Variants in INSL6 observed in about 807,000 individuals in gnomAD.
The protein encoded by INSL6 is insulin like 6.
A neutral mutation model predicts 9.4 loss-of-function variants in INSL6; 16 were observed. The ratio of observed to expected loss-of-function variants is 1.70; its 90% CI spans 1.15 to 2.59. The LOEUF (loss-of-function observed/expected upper bound fraction) is 2.59. Among genes scored for constraint, INSL6 ranks in the 30% most tolerant of loss-of-function variants. INSL6 has a pLI of 0.00. For missense variants in INSL6, 391 were observed against 257.3 expected (o/e 1.52, Z -3.56); for synonymous variants, 154 against 96.9 (o/e 1.59, Z -3.46).
chr9:5,111,413 C>A, the INSL6 span: 25 of 403,300 alleles, frequency 6.2e-5, no homozygotes, highest in Admixed American at 1.0e-4. Context: ...CCTGGACACG[C>A]AGCCCACGAA....
the INSL6 span, among the ~76,000 whole-genome samples, chr9:5,025,572 T>A: frequency 6.6e-6 from 1 of 151,222 alleles, no homozygotes; most frequent in Admixed American, 6.6e-5. Context: ...CTTGCTCTGT[T>A]GCCCAGGCTG....
At chr9:5,020,303 C>A in the INSL6 span, among the ~76,000 whole-genome samples, 1 of 152,160 alleles carries the variant, frequency 6.6e-6, no homozygotes, top group Admixed American at 6.5e-5. Context: ...TCAGTTGACA[C>A]TGGACGTGGA....
chr9:5,085,408 G>A, the INSL6 span: 6 of 783,474 alleles, frequency 7.7e-6, no homozygotes, highest in African/African-American at 1.0e-4. Context: ...AACAGAGACT[G>A]CTTTACAACT....
At chr9:5,047,739 G>A in the INSL6 span, among the ~76,000 whole-genome samples, 2 of 152,234 alleles carry the variant, frequency 1.3e-5, no homozygotes, top group South Asian at 2.1e-4. Flanking sequence ...CTAGGTACAG[G>A]TGTGTGCCAC....
the INSL6 span, among the ~76,000 whole-genome samples, chr9:5,043,116 C>T: frequency 1.3e-5 from 2 of 152,186 alleles, no homozygotes; most frequent in Non-Finnish European, 2.9e-5. Flanking sequence ...GCCTTAAAGC[C>T]CCCGACCCAG....
chr9:5,101,367 A>G, the INSL6 span, among the ~76,000 whole-genome samples: 2 of 152,230 alleles, frequency 1.3e-5, no homozygotes, highest in Non-Finnish European at 2.9e-5. Context: ...GTAGGTAAAC[A>G]AAGTGGCCAG....
chr9:5,103,221 C>CAA, the INSL6 span, among the ~76,000 whole-genome samples: 22 of 6,874 alleles, frequency 3.2e-3, 3 homozygotes, highest in African/African-American at 5.3e-3. Flanking sequence ...AAAGGGAAAG[C>CAA]AAAAAAAAAA....
chr9:5,061,468 T>C, the INSL6 span, among the ~76,000 whole-genome samples: 1 of 152,258 alleles, frequency 6.6e-6, no homozygotes, highest in Non-Finnish European at 1.5e-5. Flanking sequence ...ACCTTGCACT[T>C]ATGCTGTGCA....
the INSL6 span, among the ~76,000 whole-genome samples, chr9:5,093,676 T>A: frequency 1.3e-5 from 2 of 152,164 alleles, no homozygotes; most frequent in Non-Finnish European, 1.5e-5. Context: ...CACAGTAGTC[T>A]AAGCGAGTTA....
the INSL6 span, among the ~76,000 whole-genome samples, chr9:5,035,983 C>G: frequency 2.6e-5 from 4 of 152,080 alleles, no homozygotes; most frequent in Non-Finnish European, 5.9e-5. Flanking sequence ...TGGAAAACCC[C>G]ATCGTCTCAG....
the INSL6 span, chr9:5,041,058 G>T: frequency 1.5e-6 from 1 of 688,618 alleles, no homozygotes; most frequent in East Asian, 2.9e-5. Context: ...CGCCATAGAG[G>T]GCGTCCCTCA....
chr9:5,135,766 T>G (rs563062369), intron 2 of INSL6, among the ~76,000 whole-genome samples: 248 of 151,350 alleles, frequency 1.6e-3, no homozygotes, highest in Non-Finnish European at 2.9e-3. Context: ...GAGAAATAAC[T>G]AAGATCAGAG....
chr9:4,992,868 A>T, the INSL6 span, among the ~76,000 whole-genome samples: 1 of 152,152 alleles, frequency 6.6e-6, no homozygotes, highest in Non-Finnish European at 1.5e-5. Flanking sequence ...CAGTTCCTTG[A>T]TTAGGTCTCA....
intron 1 of INSL6, among the ~76,000 whole-genome samples, chr9:5,170,197 C>T (rs1419026835): frequency 6.6e-6 from 1 of 152,158 alleles, no homozygotes; most frequent in East Asian, 1.9e-4. Flanking sequence ...GATTAAGAAA[C>T]TCACTCAAAA....
At chr9:5,015,250 C>T in the INSL6 span, among the ~76,000 whole-genome samples, 1 of 152,112 alleles carries the variant, frequency 6.6e-6, no homozygotes, top group Non-Finnish European at 1.5e-5. Context: ...TAATGTGTCT[C>T]TTGGTGTAAA....
intron 1 of INSL6, among the ~76,000 whole-genome samples, chr9:5,178,108 C>G (rs1825354687): frequency 6.6e-6 from 1 of 152,200 alleles, no homozygotes; most frequent in African/African-American, 2.4e-5. Context: ...CTCCTGATGT[C>G]AAGTGATCCA....
At chr9:5,046,474 C>A in the INSL6 span, among the ~76,000 whole-genome samples, 3 of 152,084 alleles carry the variant, frequency 2.0e-5, no homozygotes, top group East Asian at 5.8e-4. Context: ...GAAATCATTG[C>A]CAAATCCAAT....
At chr9:5,111,066 C>G in the INSL6 span, 4 of 1,183,750 alleles carry the variant, frequency 3.4e-6, no homozygotes, top group East Asian at 2.9e-5. Context: ...GTCTTGAGAA[C>G]TGGCCCAGCT....
At chr9:5,086,808 C>G in the INSL6 span, among the ~76,000 whole-genome samples, 42 of 152,160 alleles carry the variant, frequency 2.8e-4, 1 homozygote, top group Admixed American at 1.7e-3. Context: ...ACACTTTCTT[C>G]TTATTGGAAC....
Sources: gnomAD v4.1 joint callset for allele counts (sites outside exome capture counted in the v4.1 genomes callset) on GRCh38, gnomAD v4.1.1 for gene constraint, MANE v1.5 for transcripts, NCBI Gene and HGNC (gene_info 2026-07-23, HGNC 2026-07-21) for gene names.